FMNL2: variants seen among roughly 807,000 people sequenced by gnomAD.
FMNL2 encodes the protein formin-like protein 2.
In FMNL2, 51 loss-of-function variants were observed where a neutral mutation model predicts 130.2. The ratio of observed to expected loss-of-function variants is 0.39; its 90% confidence interval spans 0.31 to 0.49. The LOEUF (loss-of-function observed/expected upper bound fraction) is 0.49, where lower values mean the gene tolerates loss of function less well. Ranked by LOEUF, FMNL2 falls within the 20% of genes least tolerant of loss-of-function variation. The pLI, the probability that FMNL2 is intolerant of heterozygous loss-of-function variation, is 0.85. For missense variants in FMNL2, 977 were observed against 1,316.2 expected, an observed-to-expected ratio of 0.74 and a Z score of 3.99; for synonymous variants, 465 against 467.1, an observed-to-expected ratio of 1.00 and a Z score of 0.06.
chr2:152,424,940 G>C (rs1687122219), intron 1 of FMNL2, among the ~76,000 whole-genome samples: 1 of 152,192 alleles, frequency 6.6e-6, no homozygotes, highest in Non-Finnish European at 1.5e-5. Flanking sequence ...TTTTGATCAA[G>C]TGATGGCATT....
chr2:152,633,636 G>A (rs1180936593), intron 21 of FMNL2, among the ~76,000 whole-genome samples: 1 of 152,140 alleles, frequency 6.6e-6, no homozygotes, highest in Non-Finnish European at 1.5e-5. Context: ...GAGCAAGTTC[G>A]GGGCTCACTT....
At chr2:152,449,695 T>C (rs1688527637) in intron 1 of FMNL2, among the ~76,000 whole-genome samples, 1 of 152,206 alleles carries the variant, frequency 6.6e-6, no homozygotes, top group Non-Finnish European at 1.5e-5. Flanking sequence ...GCAAACAGAT[T>C]AATGTAAGAG....
chr2:152,354,797 C>T (rs1046402914), intron 1 of FMNL2, among the ~76,000 whole-genome samples: 1 of 152,158 alleles, frequency 6.6e-6, no homozygotes, highest in African/African-American at 2.4e-5. Flanking sequence ...TTTGATAGCA[C>T]TGTCAGACTA....
intron 1 of FMNL2, among the ~76,000 whole-genome samples, chr2:152,397,032 G>A (rs1379903074): frequency 2.6e-5 from 4 of 152,170 alleles, no homozygotes; most frequent in African/African-American, 9.7e-5. Context: ...TCCAGAAGAT[G>A]TTGTCATCCT....
chr2:152,621,077 C>G, intron 15 of FMNL2: 1 of 985,418 alleles, frequency 1.0e-6, no homozygotes, highest in Non-Finnish European at 1.2e-6. Flanking sequence ...GAATGTGTTC[C>G]ATCACCAGGC....
chr2:152,375,873 C>CTATA lies in FMNL2; in HGVS notation c.117+40154_117+40155insATAT, dbSNP rs1235599536. Among the ~76,000 whole-genome samples, 907 of 113,652 alleles carry CTATA rather than the reference C, an allele frequency of 8.0e-3. 4 individuals are homozygous for CTATA. The highest frequency in any genetic ancestry group is 0.025 in the Middle Eastern group (6 of 240). The allele number at this position is 113,652 out of a possible 152,430, so 74.6% of individuals were successfully genotyped here. A position where few individuals can be genotyped will look rare whatever the true frequency, so the allele number is the denominator to read the frequency against. ...AAGCTCTCTCTCTCTCTCTCTCTCT[C>CTATA]TCTCTATATATATATATATATATAA... On this transcript the variant is annotated intron_variant, in intron 1 of 25. Coordinates refer to ENST00000288670, the MANE Select transcript of FMNL2 (RefSeq NM_052905.4).
intron 9 of FMNL2, among the ~76,000 whole-genome samples, chr2:152,596,910 C>T (rs947358613): frequency 3.3e-5 from 5 of 152,272 alleles, no homozygotes; most frequent in Non-Finnish European, 4.4e-5. Flanking sequence ...AAGTAGAATC[C>T]GAAATCGTAT....
rs138959106 is a variant in FMNL2 at position 152,587,674 on chromosome 2, T to C, written c.876+6625T>C. Among the ~76,000 whole-genome samples the C allele has an allele frequency of 3.5e-3, 535 of 152,342 alleles. 3 individuals are homozygous for C. Among genetic ancestry groups the C allele is most frequent in the African/African-American group, 0.013 (521 of 41,564 alleles). Reference sequence around the variant, plus strand: ...TTCTGGTAATGAACTAGTTATTTCTTTACCATTAGTGTCTTTAACATCTGG... The same window carrying C: ...TTCTGGTAATGAACTAGTTATTTCTCTACCATTAGTGTCTTTAACATCTGG... On this transcript the variant is annotated intron_variant, in intron 9 of 25. Transcript: ENST00000288670.
chr2:152,523,526 T>C (rs1255529779), intron 2 of FMNL2, among the ~76,000 whole-genome samples: 2 of 152,234 alleles, frequency 1.3e-5, no homozygotes, highest in Admixed American at 1.3e-4. Flanking sequence ...TTGAACAAGA[T>C]ATATTTAAAT....
At position 152,648,795 on chromosome 2, in the gene FMNL2, G is replaced by C. The variant is rs1163907585; in HGVS notation, c.*890G>C. On this transcript the variant is annotated 3_prime_UTR_variant, in exon 26 of 26. Coordinates refer to ENST00000288670, the MANE Select transcript of FMNL2 (RefSeq NM_052905.4). ...CTGGCCTTACTCTCCTCTGACAATC[G>C]CAATTTTTTCTTATTTTTTATAAAT... The C allele has an allele frequency of 6.6e-6, 1 of 152,518 alleles. No individual in the cohort carries two copies. The highest frequency in any genetic ancestry group is 6.5e-5 in the Admixed American group (1 of 15,272). 9.4% of individuals were successfully genotyped at this position (152,518 alleles called of 1,614,324 possible). A position where few individuals can be genotyped will look rare whatever the true frequency, so the allele number is the denominator to read the frequency against.
At chr2:152,576,635 A>G (rs1017958344) in intron 7 of FMNL2, among the ~76,000 whole-genome samples, 7 of 152,188 alleles carry the variant, frequency 4.6e-5, no homozygotes, top group African/African-American at 1.2e-4. Flanking sequence ...ATTACTAAGT[A>G]CTGTAGAAAA....
chr2:152,446,098 C>T (rs965657631), intron 1 of FMNL2, among the ~76,000 whole-genome samples: 1 of 152,138 alleles, frequency 6.6e-6, no homozygotes, highest in African/African-American at 2.4e-5. Flanking sequence ...GTGTGTGGCG[C>T]ATGTAGGCTG....
At chr2:152,622,315 A>T (rs537917974) in intron 15 of FMNL2, among the ~76,000 whole-genome samples, 43 of 152,186 alleles carry the variant, frequency 2.8e-4, no homozygotes, top group Admixed American at 7.8e-4. Flanking sequence ...CGATGAAATA[A>T]TTTTTTTCTT....
chr2:152,463,955 T>C (rs1558884403), intron 1 of FMNL2, among the ~76,000 whole-genome samples: 2 of 152,210 alleles, frequency 1.3e-5, no homozygotes, highest in Non-Finnish European at 2.9e-5. Flanking sequence ...TGTTTTGAGA[T>C]GGAGTCTCGC....
chr2:152,527,095 G>A (rs1025422844), intron 2 of FMNL2, among the ~76,000 whole-genome samples: 13 of 152,210 alleles, frequency 8.5e-5, no homozygotes, highest in South Asian at 6.2e-4. Context: ...GAATATAGTA[G>A]GCAAGCCCTC....
At chr2:152,589,408 G>T (rs1235344142) in intron 9 of FMNL2, among the ~76,000 whole-genome samples, 3 of 152,108 alleles carry the variant, frequency 2.0e-5, no homozygotes, top group Non-Finnish European at 4.4e-5. Flanking sequence ...TAAAATGCAT[G>T]CCCTTTGCCA....
chr2:152,493,184 T>C (rs1197548939), intron 1 of FMNL2, among the ~76,000 whole-genome samples: 1 of 152,216 alleles, frequency 6.6e-6, no homozygotes, highest in Non-Finnish European at 1.5e-5. Context: ...CAAGAGATTC[T>C]TATGCAATTA....
At position 152,476,092 on chromosome 2, in the gene FMNL2, A is replaced by C. The variant is rs528241686; in HGVS notation, c.118-45851A>C. ...GCACTTCACCTTCTCCTCTTTTATG[A>C]ATACAATGACTATTCATTTCAAAAT... On this transcript the variant is annotated intron_variant, in intron 1 of 25. Coordinates refer to ENST00000288670, the MANE Select transcript of FMNL2 (RefSeq NM_052905.4). 1.3e-5 allele frequency among the ~76,000 whole-genome samples: 2 copies of C among 152,272 alleles called. 1 individual carries two copies. Among genetic ancestry groups the C allele is most frequent in the Admixed American group, 1.3e-4 (2 of 15,294 alleles).
chr2:152,499,676 G>A (rs1360291479), intron 1 of FMNL2, among the ~76,000 whole-genome samples: 2 of 152,194 alleles, frequency 1.3e-5, no homozygotes, highest in African/African-American at 2.4e-5. Context: ...AAGCTTGTGT[G>A]TGAATAGGTT....
Sources: allele counts gnomAD v4.1 joint callset (sites outside exome capture counted in the v4.1 genomes callset), GRCh38; gene constraint gnomAD v4.1.1; transcripts MANE v1.5; gene names NCBI Gene and HGNC (gene_info 2026-07-23, HGNC 2026-07-21).